CSMD1: variants seen among roughly 807,000 people sequenced by gnomAD.
CSMD1 encodes the protein CUB and sushi domain-containing protein 1.
In CSMD1, 213 loss-of-function variants were observed where a neutral mutation model predicts 417.5. The observed-to-expected ratio is 0.51, with a 90% CI of 0.46 to 0.57. The LOEUF (loss-of-function observed/expected upper bound fraction) is 0.57, where lower values mean the gene tolerates loss of function less well. Ranked by LOEUF, CSMD1 falls within the 20% of genes least tolerant of loss-of-function variation. The probability of loss-of-function intolerance (pLI) is 0.00; values close to 1 mark genes in which losing one functional copy is unlikely to be tolerated. For missense variants in CSMD1, 6,923 were observed against 4,529.7 expected (o/e 1.53, Z -15.17); for synonymous variants, 2,862 against 1,736.8 (o/e 1.65, Z -16.11).
At position 4,122,892 on chromosome 8, in the gene CSMD1, A is replaced by G. The variant is rs1802565052; in HGVS notation, c.416-90793T>C. Among the ~76,000 whole-genome samples the G allele has an allele frequency of 1.3e-5, 2 of 152,336 alleles. 1 individual carries two copies. The highest frequency in any genetic ancestry group is 4.1e-4 in the South Asian group (2 of 4,828). On this transcript the variant is annotated intron_variant, in intron 3 of 69. Transcript: ENST00000635120. ...AAGAAAGGCAACTCCTGAAGAAACT[A>G]ATAGCTACGAGACCCTTTAAGGACA...
intron 5 of CSMD1, among the ~76,000 whole-genome samples, chr8:3,798,021 T>C (rs1242923359): frequency 1.3e-5 from 2 of 152,018 alleles, no homozygotes; most frequent in Non-Finnish European, 1.5e-5. Flanking sequence ...TTGATAAACT[T>C]TTCAGGTGCT....
intron 1 of CSMD1, among the ~76,000 whole-genome samples, chr8:4,727,738 T>G (rs1195225880): frequency 6.6e-6 from 1 of 151,904 alleles, no homozygotes; most frequent in Non-Finnish European, 1.5e-5. Context: ...TTTCCTCTTT[T>G]TCTTCTCTGA....
intron 3 of CSMD1, among the ~76,000 whole-genome samples, chr8:4,264,414 A>C (rs79067252): frequency 0.019 from 2,846 of 152,318 alleles, 52 homozygotes; most frequent in African/African-American, 0.048. Context: ...TTGCACATGT[A>C]TCTAAGGATC....
rs769107765 is a variant in CSMD1 at position 2,978,757 on chromosome 8, A to T, written c.8421T>A (p.Arg2807=). The change falls in exon 55 of 70, where the codon CGT becomes CGA. Residue 2807 remains arginine (R), a synonymous_variant. Transcript: ENST00000635120. ...SDPGFVENAI[R]HGQQNFPESF... ...TCTCAGGGAAGTTCTGTTGCCCGTG[A>T]CGAATGGCATTTTCCACAAAGCCTG... The T allele has an allele frequency of 1.9e-6, 3 of 1,613,578 alleles. No individual in the cohort carries two copies. Among genetic ancestry groups the T allele is most frequent in the Non-Finnish European group, 2.5e-6 (3 of 1,179,736 alleles).
At chr8:3,364,209 G>A (rs906265969) in intron 20 of CSMD1, among the ~76,000 whole-genome samples, 9 of 151,966 alleles carry the variant, frequency 5.9e-5, no homozygotes, top group African/African-American at 2.2e-4. Flanking sequence ...TTGCAGCACA[G>A]TTTCTAGGCA....
intron 3 of CSMD1, among the ~76,000 whole-genome samples, chr8:4,246,743 A>C (rs1053769897): frequency 6.6e-6 from 1 of 152,170 alleles, no homozygotes; most frequent in Non-Finnish European, 1.5e-5. Context: ...GTATTTATTT[A>C]AATAAAGAAA....
In CSMD1 at chr8:3,712,497, T is replaced by C. The variant is rs537934493; in HGVS notation, c.932-4006A>G. Among the ~76,000 whole-genome samples, 3 of 152,224 alleles carry C rather than the reference T, an allele frequency of 2.0e-5. No homozygotes were observed. The East Asian group carries it at 5.8e-4, about 29-fold the overall frequency. On this transcript the variant is annotated intron_variant, in intron 6 of 69. Transcript: ENST00000635120. ...ATGCAGGAGAAAGGTAAGTCACCTA[T>C]GGCAAATCCCTGCAATAGCCTCTTC...
intron 41 of CSMD1, among the ~76,000 whole-genome samples, chr8:3,135,638 T>A (rs1041235067): frequency 6.7e-6 from 1 of 149,932 alleles, no homozygotes; most frequent in East Asian, 2.0e-4. Flanking sequence ...TGAAGTCTGC[T>A]GATCACATTT....
Position 4,117,493 on chromosome 8 carries a change from T to C in CSMD1, c.416-85394A>G, listed in dbSNP as rs182909079. Among the ~76,000 whole-genome samples the C allele has an allele frequency of 1.2e-3, 177 of 152,332 alleles. 2 individuals are homozygous for C. Among genetic ancestry groups the C allele is most frequent in the East Asian group, 9.6e-4 (5 of 5,186 alleles). ...AATAAATGATGCACTCAATGTGCTA[T>C]AAATCATCTCCCTCCGACCAACTCT... On this transcript the variant is annotated intron_variant, in intron 3 of 69. Transcript: ENST00000635120.
intron 7 of CSMD1, among the ~76,000 whole-genome samples, chr8:3,657,669 G>T (rs1289276566): frequency 6.6e-6 from 1 of 152,102 alleles, no homozygotes; most frequent in Non-Finnish European, 1.5e-5. Context: ...CACAAGGAAG[G>T]GAACATCACA....
chr8:3,462,475 T>C (rs1051493448), intron 12 of CSMD1, among the ~76,000 whole-genome samples: 1 of 151,882 alleles, frequency 6.6e-6, no homozygotes, highest in Non-Finnish European at 1.5e-5. Context: ...CTCCTAGGAG[T>C]GTGAACCCTA....
At chr8:3,361,667 A>T (rs1165099682) in intron 20 of CSMD1, among the ~76,000 whole-genome samples, 1 of 150,372 alleles carries the variant, frequency 6.7e-6, no homozygotes, top group Non-Finnish European at 1.5e-5. Flanking sequence ...AAAAAAAAAA[A>T]AAAAACAAAC....
At chr8:3,899,907 A>T (rs536024273) in intron 5 of CSMD1, among the ~76,000 whole-genome samples, 12 of 152,356 alleles carry the variant, frequency 7.9e-5, no homozygotes, top group African/African-American at 2.9e-4. Context: ...TGCTTAAAAC[A>T]TGTCTTTAAT....
In CSMD1 at chr8:4,047,589, T is replaced by C. The variant is rs561184034; in HGVS notation, c.416-15490A>G. 3.3e-5 allele frequency among the ~76,000 whole-genome samples: 5 copies of C among 152,280 alleles called. No homozygotes were observed. The East Asian group carries it at 9.7e-4, about 29-fold the overall frequency. ...CAAATTATGTTGAATATTTACTGAA[T>C]GCGTATTATGTGTGGAATATTTTTC... On this transcript the variant is annotated intron_variant, in intron 3 of 69. Transcript: ENST00000635120.
intron 2 of CSMD1, among the ~76,000 whole-genome samples, chr8:4,479,423 G>C (rs948128303): frequency 6.6e-6 from 1 of 150,846 alleles, no homozygotes; most frequent in African/African-American, 2.4e-5. Flanking sequence ...TAAGAAACCA[G>C]AAAACAAAAC....
intron 1 of CSMD1, among the ~76,000 whole-genome samples, chr8:4,820,960 G>A (rs1295578894): frequency 2.0e-5 from 3 of 151,822 alleles, no homozygotes; most frequent in African/African-American, 7.3e-5. Flanking sequence ...CTTTACTTTC[G>A]TAGTGCTCAA....
At position 3,802,093 on chromosome 8, in the gene CSMD1, T is replaced by C. The variant is rs542676051; in HGVS notation, c.819-48051A>G. Reference sequence around the variant, plus strand: ...GATAAACTTAAGGATATGTAAATTTTATCTTAATAACATTGTTTTAAAAAG... The same window carrying C: ...GATAAACTTAAGGATATGTAAATTTCATCTTAATAACATTGTTTTAAAAAG... On this transcript the variant is annotated intron_variant, in intron 5 of 69. Transcript: ENST00000635120. Among the ~76,000 whole-genome samples the C allele has an allele frequency of 9.8e-5, 15 of 152,316 alleles. No homozygotes were observed. The South Asian group carries it at 1.9e-3, about 19-fold the overall frequency.
chr8:4,872,361 T>C (rs921611511), intron 1 of CSMD1, among the ~76,000 whole-genome samples: 4 of 151,998 alleles, frequency 2.6e-5, no homozygotes, highest in African/African-American at 9.7e-5. Context: ...AGAGAACAGG[T>C]GGAGGTAATT....
At chr8:4,264,368 C>G (rs1035458840) in intron 3 of CSMD1, among the ~76,000 whole-genome samples, 2 of 152,156 alleles carry the variant, frequency 1.3e-5, no homozygotes, top group Admixed American at 6.5e-5. Context: ...TGTCTTTCCA[C>G]TTTTTAGAAG....
Sources: allele counts gnomAD v4.1 joint callset (sites outside exome capture counted in the v4.1 genomes callset), GRCh38; gene constraint gnomAD v4.1.1; transcripts MANE v1.5; gene names NCBI Gene and HGNC (gene_info 2026-07-23, HGNC 2026-07-21).